The following PCDHGB1 variants were observed in gnomAD, a reference collection of about 807,000 sequenced individuals.
PCDHGB1 encodes protocadherin gamma-B1.
A neutral mutation model predicts 56.6 loss-of-function variants in PCDHGB1; 34 were observed. The ratio of observed to expected loss-of-function variants is 0.60; its 90% CI spans 0.46 to 0.80. The LOEUF is 0.80. Among genes scored for constraint, PCDHGB1 ranks in the 30% least tolerant of loss-of-function variants. PCDHGB1 has a pLI of 0.00. For missense variants in PCDHGB1, 1,278 were observed against 1,204.6 expected (o/e 1.06, Z -0.90); for synonymous variants, 561 against 505.9 (o/e 1.11, Z -1.46).
chr5:141,423,762 G>GT, intron 1 of PCDHGB1: 1 of 264,254 alleles, frequency 3.8e-6, no homozygotes, highest in Non-Finnish European at 5.6e-6. Context: ...GGGGGGGGGT[G>GT]GGGCGGCATA....
intron 1 of PCDHGB1, chr5:141,478,865 T>G: frequency 7.5e-7 from 1 of 1,326,190 alleles, no homozygotes; most frequent in Non-Finnish European, 1.0e-6. Context: ...ATCTCAGCGA[T>G]CAGAGTTTAG....
chr5:141,463,548 A>C (rs2099063677), intron 1 of PCDHGB1, among the ~76,000 whole-genome samples: 1 of 140,798 alleles, frequency 7.1e-6, no homozygotes, highest in Non-Finnish European at 1.5e-5. Context: ...TCCCGGGTTC[A>C]TGCCATTCTC....
At chr5:141,394,001 G>C in intron 1 of PCDHGB1, 1 of 1,613,458 alleles carries the variant, frequency 6.2e-7, no homozygotes, top group Non-Finnish European at 8.5e-7. Flanking sequence ...AATTAGAAAA[G>C]TCAATAGGTA....
chr5:141,479,752 T>C (rs770200359), intron 1 of PCDHGB1: 4 of 152,236 alleles, frequency 2.6e-5, no homozygotes, highest in Non-Finnish European at 4.4e-5. Context: ...ATGTGAAAGG[T>C]AGATAAATTC....
At chr5:141,430,261 A>T (rs1236197353) in intron 1 of PCDHGB1, among the ~76,000 whole-genome samples, 1 of 152,104 alleles carries the variant, frequency 6.6e-6, no homozygotes, top group African/African-American at 2.4e-5. Context: ...CATCTCCATA[A>T]TAGGTGTGTT....
At chr5:141,376,011 T>C (rs1173303153) in intron 1 of PCDHGB1, 1 of 1,613,332 alleles carries the variant, frequency 6.2e-7, no homozygotes, top group Non-Finnish European at 8.5e-7. Context: ...CAGAGCCTAG[T>C]GGTGGCCGTC....
In PCDHGB1 at chr5:141,491,789, T is replaced by G; in HGVS notation, c.2410-3018T>G. The G allele has an allele frequency of 6.6e-7, 1 of 1,525,854 alleles. No individual in the cohort carries two copies. Among genetic ancestry groups the G allele is most frequent in the Non-Finnish European group, 8.8e-7 (1 of 1,137,340 alleles). The allele number at this position is 1,525,854 out of a possible 1,614,324, so 94.5% of individuals were successfully genotyped here. ...CATAAGGGATTGAACTTGCATCCAC[T>G]CCTCTCCGGCCGGCTTGGTCGCTGG... On this transcript the variant is annotated intron_variant, in intron 1 of 3. Transcript: ENST00000523390. The surrounding 1 kb of genome is among the most constrained non-coding windows in gnomAD (Gnocchi z 6.9).
At chr5:141,355,668 A>G in intron 1 of PCDHGB1, 3 of 1,614,018 alleles carry the variant, frequency 1.9e-6, no homozygotes, top group Non-Finnish European at 2.5e-6. Context: ...CTCTTCCTGA[A>G]GCTTTTGATC....
chr5:141,502,308 C>T (rs928137926), intron 2 of PCDHGB1, among the ~76,000 whole-genome samples: 2 of 151,586 alleles, frequency 1.3e-5, no homozygotes, highest in Non-Finnish European at 2.9e-5. Flanking sequence ...CTTTCCTCTC[C>T]TTTAATCTGG....
Position 141,431,996 on chromosome 5 carries a change from G to A in PCDHGB1, c.2410-62811G>A, listed in dbSNP as rs766891220. ...AGTCACAGACATAGTCTTGGATAGGGAACAGGTTCCTAGCTACAACATCAC... is the reference window on the plus strand; with the variant it reads ...AGTCACAGACATAGTCTTGGATAGGAAACAGGTTCCTAGCTACAACATCAC... On this transcript the variant is annotated intron_variant, in intron 1 of 3. Transcript: ENST00000523390. The surrounding 1 kb of genome is among the most constrained non-coding windows in gnomAD (Gnocchi z 4.8). 1.9e-6 allele frequency: 3 copies of A among 1,614,192 alleles called. No homozygotes were observed. In the East Asian group the frequency reaches 6.7e-5, roughly 36 times the overall value.
chr5:141,375,581 C>T, intron 1 of PCDHGB1: 1 of 1,614,174 alleles, frequency 6.2e-7, no homozygotes, highest in Non-Finnish European at 8.5e-7. Context: ...CCAGGGGGCG[C>T]CCCTGTCCTC....
intron 1 of PCDHGB1, among the ~76,000 whole-genome samples, chr5:141,382,287 C>G (rs1263948846): frequency 7.2e-5 from 11 of 152,114 alleles, no homozygotes; most frequent in Non-Finnish European, 1.5e-4. Context: ...TCAATTAATA[C>G]TGAATTAATT....
At chr5:141,409,185 C>A in intron 1 of PCDHGB1, 1 of 1,614,024 alleles carries the variant, frequency 6.2e-7, no homozygotes, top group Non-Finnish European at 8.5e-7. Flanking sequence ...GGTGGTCTCT[C>A]TACCCAGTGT....
At chr5:141,415,738 AGGTTTT>A in intron 1 of PCDHGB1, 1 of 538,082 alleles carries the variant, frequency 1.9e-6, no homozygotes, top group South Asian at 3.9e-5. Flanking sequence ...ATGTTTATTA[AGGTTTT>A]TTTTTTTTTT....
Position 141,486,970 on chromosome 5 carries a change from T to G in PCDHGB1, c.2410-7837T>G, listed in dbSNP as rs754309905. 1 of 1,614,050 alleles carries G rather than the reference T, an allele frequency of 6.2e-7. No individual in the cohort carries two copies. Among genetic ancestry groups the G allele is most frequent in the African/African-American group, 1.3e-5 (1 of 74,904 alleles). ...CAAAGGTGACTGCTGTGGACTTGGATTCAGGTTACAATGCTTGGGTTTCCT... is the reference window on the plus strand; with the variant it reads ...CAAAGGTGACTGCTGTGGACTTGGAGTCAGGTTACAATGCTTGGGTTTCCT... On this transcript the variant is annotated intron_variant, in intron 1 of 3. Coordinates refer to ENST00000523390, the MANE Select transcript of PCDHGB1 (RefSeq NM_018922.3). This position sits in a 1 kb window ranked among gnomAD's most constrained non-coding sequence, Gnocchi z 5.0.
chr5:141,421,410 G>A lies in PCDHGB1; in HGVS notation c.2409+68741G>A, dbSNP rs538537555. On this transcript the variant is annotated intron_variant, in intron 1 of 3. Transcript: ENST00000523390. ...TGGGGCTGGAGCCCCGGGAGCTGGCGAAGCGCGGAGTCCGCATCGTCTCCA... is the reference window on the plus strand; with the variant it reads ...TGGGGCTGGAGCCCCGGGAGCTGGCAAAGCGCGGAGTCCGCATCGTCTCCA... The A allele has an allele frequency of 3.7e-6, 6 of 1,614,084 alleles. No homozygotes were observed. In the African/African-American group the frequency reaches 6.7e-5, roughly 18 times the overall value.
At chr5:141,403,688 A>G (rs1385402830) in intron 1 of PCDHGB1, 1 of 1,613,836 alleles carries the variant, frequency 6.2e-7, no homozygotes, top group Non-Finnish European at 8.5e-7. Flanking sequence ...TGCTCAACGG[A>G]TTTACCGAGT....
At chr5:141,449,101 G>A (rs1020443363) in intron 1 of PCDHGB1, among the ~76,000 whole-genome samples, 2 of 152,144 alleles carry the variant, frequency 1.3e-5, no homozygotes, top group African/African-American at 2.4e-5. Flanking sequence ...TACATATGCA[G>A]TATATCTTTG....
Position 141,485,835 on chromosome 5 carries a change from C to T in PCDHGB1, c.2410-8972C>T, listed in dbSNP as rs747722740. On this transcript the variant is annotated intron_variant, in intron 1 of 3. Transcript: ENST00000523390. This position sits in a 1 kb window ranked among gnomAD's most constrained non-coding sequence, Gnocchi z 5.7. ...ACTGCTGTCGATGGAGGGAACCCGC[C>T]GAGATCTGGCACCGCAGAGCTCCGG... 6.2e-7 allele frequency: 1 copy of T among 1,614,190 alleles called. No homozygotes were observed. Among genetic ancestry groups the T allele is most frequent in the Non-Finnish European group, 8.5e-7 (1 of 1,180,048 alleles).
Sources: gnomAD v4.1 joint callset for allele counts (sites outside exome capture counted in the v4.1 genomes callset) on GRCh38, gnomAD v4.1.1 for gene constraint, Gnocchi (gnomAD v3.1) non-coding constraint, MANE v1.5 for transcripts, NCBI Gene and HGNC (gene_info 2026-07-23, HGNC 2026-07-21) for gene names.